TDO2: variants seen among roughly 807,000 people sequenced by gnomAD.
TDO2 encodes the protein tryptophan 2,3-dioxygenase.
Under a neutral mutation model 61.2 loss-of-function variants are expected in TDO2, and 63 were observed. The ratio of observed to expected loss-of-function variants is 1.03; its 90% CI spans 0.84 to 1.27. The LOEUF (loss-of-function observed/expected upper bound fraction) is 1.27. Among genes scored for constraint, TDO2 ranks in the 50% most tolerant of loss-of-function variants. The pLI, the probability that TDO2 is intolerant of heterozygous loss-of-function variation, is 0.00. For synonymous variants in TDO2, 183 were observed against 164.0 expected (o/e 1.12, Z -0.89); for missense variants, 494 against 469.5 (o/e 1.05, Z -0.48).
chr4:155,915,933 G>A (rs745857400), intron 9 of TDO2, 21 bp downstream of exon 9: 3 of 1,597,750 alleles, frequency 1.9e-6, no homozygotes, highest in South Asian at 2.3e-5. Flanking sequence ...TCCGAAGAGA[G>A]ACTGAAGTTA....
Position 155,909,034 on chromosome 4 carries a change from TA to T in TDO2, c.431+26del, listed in dbSNP as rs1560776061. 2 of 1,577,962 alleles carry T rather than the reference TA, an allele frequency of 1.3e-6. No individual in the cohort carries two copies. The highest frequency in any genetic ancestry group is 1.9e-5 in the Admixed American group (1 of 53,568). On this transcript the variant is annotated intron_variant, in intron 5 of 11. Coordinates refer to ENST00000536354, the MANE Select transcript of TDO2 (RefSeq NM_005651.4). The stretch of plus-strand genomic sequence containing the variant: ...CTTCAGGTGTGCACATTTGGCATTT[TA>T]AAAAATGTGATGGAATTTACTTTCT...
In TDO2 at chr4:155,918,331, A is replaced by G. The variant is rs920869141; in HGVS notation, c.1067+92A>G. 7.6e-5 allele frequency: 88 copies of G among 1,152,168 alleles called. 3 individuals are homozygous for G. The highest frequency in any genetic ancestry group is 5.2e-5 in the Non-Finnish European group (41 of 783,264). 71.4% of individuals were successfully genotyped at this position (1,152,168 alleles called of 1,614,324 possible). A position where few individuals can be genotyped will look rare whatever the true frequency, so the allele number is the denominator to read the frequency against. On this transcript the variant is annotated intron_variant, in intron 11 of 11. Transcript: ENST00000536354. ...TTTGCTATCTAAAAAAAGCCATTTT[A>G]TTTGCTCCTGTCTGAACTACTAACA... is the stretch of plus-strand genomic sequence containing the variant.
At chr4:155,906,177 G>C (rs982202717) in intron 3 of TDO2, 1 of 152,086 alleles carries the variant, frequency 6.6e-6, no homozygotes. Context: ...CACTTACAGA[G>C]TTCCTAGGAA....
At chr4:155,904,420 T>A (rs2110861114) in intron 2 of TDO2, among the ~76,000 whole-genome samples, 1 of 152,346 alleles carries the variant, frequency 6.6e-6, no homozygotes, top group Non-Finnish European at 1.5e-5. Context: ...GTGCAACTTG[T>A]ATAGATAAGA....
intron 2 of TDO2, 118 bp downstream of exon 2, chr4:155,904,241 C>A (rs1008357985): frequency 2.9e-6 from 2 of 695,468 alleles, no homozygotes; most frequent in Admixed American, 3.1e-5. Flanking sequence ...GTTTTCTGGA[C>A]CTAAGGATAT....
rs746246142 is a variant in TDO2 at position 155,905,149 on chromosome 4, C to G, written c.224C>G (p.Thr75Ser). The change falls in exon 3 of 12, where the codon ACT (threonine) becomes AGT (serine). Residue 75 changes from threonine to serine, a missense_variant. Physicochemically the swap from Thr to Ser is moderately conservative, Grantham distance 58. Coordinates refer to ENST00000536354, the MANE Select transcript of TDO2 (RefSeq NM_005651.4). Reference protein sequence around the residue: ...KIHDEHLFIITHQAYELWFKQ... With the variant: ...KIHDEHLFIISHQAYELWFKQ... Reference sequence around the variant, plus strand: ...CATGATGAACATCTTTTTATCATAACTCATCAAGGTAAGTTGCACAAAGGT... The same window carrying G: ...CATGATGAACATCTTTTTATCATAAGTCATCAAGGTAAGTTGCACAAAGGT... The G allele has an allele frequency of 3.8e-6, 6 of 1,588,034 alleles. No individual in the cohort carries two copies. The highest frequency in any genetic ancestry group is 4.3e-6 in the Non-Finnish European group (5 of 1,167,806).
chr4:155,905,408 T>C (rs1394672084), intron 3 of TDO2: 2 of 347,538 alleles, frequency 5.8e-6, no homozygotes, highest in African/African-American at 2.1e-5. Flanking sequence ...CAAGGGGACT[T>C]TCTGCCTCTT....
At chr4:155,915,792 C>A in intron 8 of TDO2, 63 bp from the exon 9 acceptor site, 1 of 1,419,584 alleles carries the variant, frequency 7.0e-7, no homozygotes. Flanking sequence ...GATGACGATG[C>A]CAAATTAATA....
intron 1 of TDO2, 38 bp downstream of exon 1, chr4:155,903,831 T>G: frequency 6.2e-7 from 1 of 1,611,610 alleles, no homozygotes; most frequent in South Asian, 1.1e-5. Flanking sequence ...GTTTTGGCTT[T>G]TAGAAGTATC....
rs369184655 is a variant in TDO2, at chr4:155,910,120, A to G, written c.527A>G (p.Asn176Ser). 1.9e-5 allele frequency: 30 copies of G among 1,600,466 alleles called. No homozygotes were observed. In the East Asian group the frequency reaches 2.1e-4, roughly 11 times the overall value. ...CTTCAGAACATGAGAGTCCCTTATA[A>G]CAGAAGACATTATCGTGATAACTTC... Reference protein sequence around the residue: ...GVLQNMRVPYNRRHYRDNFKG... With the variant: ...GVLQNMRVPYSRRHYRDNFKG... Residue 176 changes from asparagine (N) to serine (S), a missense_variant, in exon 6 of 12, where the codon AAC (asparagine) becomes AGC (serine). Asn to Ser is a conservative substitution (Grantham distance 46). Transcript: ENST00000536354.
intron 5 of TDO2, among the ~76,000 whole-genome samples, 170 bp downstream of exon 5, chr4:155,909,184 AAT>A (rs765495889): frequency 5.4e-4 from 83 of 152,330 alleles, no homozygotes; most frequent in Non-Finnish European, 1.1e-3. Context: ...AGTTATTAAA[AAT>A]ATTTTATTAT....
In TDO2 at chr4:155,915,756, C is replaced by T; in HGVS notation, c.839-99C>T. 4 of 890,208 alleles carry T rather than the reference C, an allele frequency of 4.5e-6. No homozygotes were observed. The South Asian group carries it at 5.4e-5, about 12-fold the overall frequency. The allele number at this position is 890,208 out of a possible 1,614,324, so 55.1% of individuals were successfully genotyped here. ...ACTGAAACTTATATTGATTTCTAAACACATGTAATCCATTAAATTTTTTAA... is the reference window on the plus strand; with the variant it reads ...ACTGAAACTTATATTGATTTCTAAATACATGTAATCCATTAAATTTTTTAA... On this transcript the variant is annotated intron_variant, in intron 8 of 11. Coordinates refer to ENST00000536354, the MANE Select transcript of TDO2 (RefSeq NM_005651.4).
Position 155,919,960 on chromosome 4 carries a change from C to T in TDO2, c.1191C>T (p.Ser397=). The change falls in exon 12 of 12, where the codon AGC becomes AGT. Residue 397 remains serine (S), a synonymous_variant. Coordinates refer to ENST00000536354, the MANE Select transcript of TDO2 (RefSeq NM_005651.4). ...KFLYTAEYCD[S]SYFSSDESD Reference sequence around the variant, plus strand: ...TATATACAGCAGAATACTGTGATAGCTCCTACTTCAGCAGTGATGAATCAG... The same window carrying T: ...TATATACAGCAGAATACTGTGATAGTTCCTACTTCAGCAGTGATGAATCAG... 3 of 1,613,606 alleles carry T rather than the reference C, an allele frequency of 1.9e-6. No individual in the cohort carries two copies. In the South Asian group the frequency reaches 3.3e-5, roughly 18 times the overall value.
intron 3 of TDO2, 42 bp from the exon 4 acceptor site, chr4:155,907,680 G>C (rs371718503): frequency 5.1e-6 from 7 of 1,361,560 alleles, no homozygotes; most frequent in African/African-American, 2.9e-5. Context: ...GGCCAAAAAG[G>C]CTCCCATAAC....
chr4:155,917,506 C>T, intron 10 of TDO2, 32 bp downstream of exon 10: 2 of 1,551,322 alleles, frequency 1.3e-6, no homozygotes, highest in Non-Finnish European at 1.8e-6. Context: ...CATGTTGCTT[C>T]CCCACATGCT....
rs555349498 is a variant in TDO2 at position 155,907,566 on chromosome 4, C to T, written c.233-156C>T. 7.0e-6 allele frequency: 4 copies of T among 571,386 alleles called. No individual in the cohort carries two copies. In the South Asian group the frequency reaches 9.7e-5, roughly 14 times the overall value. 35.4% of individuals were successfully genotyped at this position (571,386 alleles called of 1,614,324 possible). Reference sequence around the variant, plus strand: ...GAGGCTATTACAACTTTAACACTAACATTTATTTCTGGCACACAATGGGAC... The same window carrying T: ...GAGGCTATTACAACTTTAACACTAATATTTATTTCTGGCACACAATGGGAC... On this transcript the variant is annotated intron_variant, in intron 3 of 11. Transcript: ENST00000536354.
At chr4:155,915,065 C>A (rs1318932379) in intron 8 of TDO2, among the ~76,000 whole-genome samples, 2 of 152,042 alleles carry the variant, frequency 1.3e-5, no homozygotes, top group African/African-American at 4.8e-5. Context: ...GACCAAGATA[C>A]CAGGAAAAGC....
chr4:155,908,866 G>A, intron 4 of TDO2, 21 bp from the exon 5 acceptor site: 3 of 1,601,552 alleles, frequency 1.9e-6, no homozygotes, highest in Non-Finnish European at 2.6e-6. Flanking sequence ...CTAACTCAGT[G>A]TTTCATTTCT....
intron 11 of TDO2, 79 bp downstream of exon 11, chr4:155,918,318 A>T: frequency 7.4e-7 from 1 of 1,351,364 alleles, no homozygotes; most frequent in Middle Eastern, 2.0e-4. Flanking sequence ...TGCTATCTAA[A>T]AAAAGCCATT....
Sources: gnomAD v4.1 joint callset for allele counts (sites outside exome capture counted in the v4.1 genomes callset) on GRCh38, gnomAD v4.1.1 for gene constraint, MANE v1.5 for transcripts, NCBI Gene and HGNC (gene_info 2026-07-23, HGNC 2026-07-21) for gene names.